Variants in PCDHGA2 observed in about 807,000 individuals in gnomAD.
The protein encoded by PCDHGA2 is protocadherin gamma-A2.
In PCDHGA2, 40 loss-of-function variants were observed where a neutral mutation model predicts 59.2. The ratio of observed to expected loss-of-function variants is 0.68; its 90% CI spans 0.52 to 0.88. PCDHGA2 has a LOEUF of 0.88. PCDHGA2 is among the 40% of genes least tolerant of loss of function. The pLI is 0.00. For missense variants in PCDHGA2, 1,226 were observed against 1,204.0 expected, an observed-to-expected ratio of 1.02 and a Z score of -0.27; for synonymous variants, 560 against 526.0, an observed-to-expected ratio of 1.06 and a Z score of -0.89.
intron 1 of PCDHGA2, among the ~76,000 whole-genome samples, chr5:141,386,518 A>C (rs2090605382): frequency 0.01 from 1 of 96 alleles, no homozygotes; most frequent in Non-Finnish European, 0.017. Flanking sequence ...TCTTCAAAAA[A>C]AGACTCTTTT....
At position 141,432,476 on chromosome 5, in the gene PCDHGA2, A is replaced by T. The variant is rs778378071; in HGVS notation, c.2425-62331A>T. On this transcript the variant is annotated intron_variant, in intron 1 of 3. Transcript: ENST00000394576. This position sits in a 1 kb window ranked among gnomAD's most constrained non-coding sequence, Gnocchi z 6.0. ...CCCCGCCCTCCCCACGGACGGTTCC[A>T]CTGGCGTGGAGCTGGCTCCCCGCTC... 4.6e-5 allele frequency: 75 copies of T among 1,613,962 alleles called. No homozygotes were observed. In the South Asian group the frequency reaches 7.9e-4, roughly 17 times the overall value.
Position 141,374,382 on chromosome 5 carries a change from C to T in PCDHGA2, c.2424+32987C>T, listed in dbSNP as rs975173370. On this transcript the variant is annotated intron_variant, in intron 1 of 3. Coordinates refer to ENST00000394576, the MANE Select transcript of PCDHGA2 (RefSeq NM_018915.4). ...CGCGAGGAGCTCTGTGCTCAGAGCC[C>T]GCGGTGTCTGGTGAGTTTTAACATC... is the stretch of plus-strand genomic sequence containing the variant. 3.7e-6 allele frequency: 6 copies of T among 1,613,888 alleles called. No individual in the cohort carries two copies. The African/African-American group carries it at 6.7e-5, about 18-fold the overall frequency.
intron 1 of PCDHGA2, chr5:141,364,349 G>T (rs758855393): frequency 6.5e-6 from 10 of 1,549,456 alleles, no homozygotes; most frequent in Middle Eastern, 1.7e-4. Context: ...TCCACCTAGG[G>T]GCTGGGGCTG....
intron 1 of PCDHGA2, chr5:141,356,712 T>C: frequency 1.9e-6 from 3 of 1,614,032 alleles, no homozygotes; most frequent in Non-Finnish European, 1.7e-6. Context: ...TGTCCTCCTA[T>C]GTCTCCATCA....
intron 1 of PCDHGA2, among the ~76,000 whole-genome samples, chr5:141,449,056 G>A (rs149442150): frequency 6.6e-6 from 1 of 152,068 alleles, no homozygotes; most frequent in African/African-American, 2.4e-5. Flanking sequence ...TCATAAATGA[G>A]CGCTATTGAA....
chr5:141,388,170 T>C (rs756859307), intron 1 of PCDHGA2: 9 of 1,495,754 alleles, frequency 6.0e-6, no homozygotes, highest in Non-Finnish European at 8.3e-6. Flanking sequence ...GGAGGAGATA[T>C]GCGGGAAGAA....
chr5:141,489,159 T>G lies in PCDHGA2; in HGVS notation c.2425-5648T>G. On this transcript the variant is annotated intron_variant, in intron 1 of 3. Transcript: ENST00000394576. This position sits in a 1 kb window ranked among gnomAD's most constrained non-coding sequence, Gnocchi z 4.5. ...AGGCTGGAAGGAGACATAAGAGACT[T>G]CAGCTGCTGCATTCCAAGCCCTGGG... is the stretch of plus-strand genomic sequence containing the variant. 2 of 1,023,152 alleles carry G rather than the reference T, an allele frequency of 2.0e-6. No individual in the cohort carries two copies. Among genetic ancestry groups the G allele is most frequent in the Non-Finnish European group, 2.9e-6 (2 of 697,120 alleles). The allele number at this position is 1,023,152 out of a possible 1,614,324, so 63.4% of individuals were successfully genotyped here. A position where few individuals can be genotyped will look rare whatever the true frequency, so the allele number is the denominator to read the frequency against.
intron 1 of PCDHGA2, among the ~76,000 whole-genome samples, chr5:141,434,518 T>C (rs2097700303): frequency 6.6e-6 from 1 of 152,188 alleles, no homozygotes; most frequent in Admixed American, 6.5e-5. Flanking sequence ...CTTAAAGGTG[T>C]TCTTAAACCA....
intron 3 of PCDHGA2, among the ~76,000 whole-genome samples, chr5:141,510,415 C>G (rs2099881071): frequency 6.6e-6 from 1 of 152,082 alleles, no homozygotes; most frequent in Admixed American, 6.5e-5. Flanking sequence ...GCATGTAAAG[C>G]CATGGTTTCA....
intron 1 of PCDHGA2, chr5:141,375,694 C>T (rs2150065576): frequency 1.2e-6 from 2 of 1,614,232 alleles, no homozygotes; most frequent in African/African-American, 2.7e-5. Context: ...CCAGCGACAG[C>T]GGGGACCCGC....
intron 1 of PCDHGA2, chr5:141,375,374 C>T: frequency 2.5e-6 from 4 of 1,613,952 alleles, no homozygotes; most frequent in Non-Finnish European, 3.4e-6. Flanking sequence ...AGGAACACCA[C>T]CTCTGTCTAC....
chr5:141,346,366 C>A lies in PCDHGA2; in HGVS notation c.2424+4971C>A, dbSNP rs749000978. The A allele has an allele frequency of 4.3e-6, 7 of 1,614,242 alleles. No homozygotes were observed. In the East Asian group the frequency reaches 1.3e-4, roughly 31 times the overall value. Reference sequence around the variant, plus strand: ...TTCCCCCAGCCCAACTATGCGGACACGCTCATCAGCCAGGAGAGCTGTGAG... The same window carrying A: ...TTCCCCCAGCCCAACTATGCGGACAAGCTCATCAGCCAGGAGAGCTGTGAG... On this transcript the variant is annotated intron_variant, in intron 1 of 3. Coordinates refer to ENST00000394576, the MANE Select transcript of PCDHGA2 (RefSeq NM_018915.4).
intron 1 of PCDHGA2, among the ~76,000 whole-genome samples, chr5:141,382,039 G>T (rs2150197834): frequency 6.6e-6 from 1 of 151,922 alleles, no homozygotes; most frequent in Non-Finnish European, 1.5e-5. Flanking sequence ...ATGTTGGTCA[G>T]GCTGGTCTCA....
rs200348921 is a variant in PCDHGA2 at position 141,374,104 on chromosome 5, T to G, written c.2424+32709T>G. 296 of 1,570,490 alleles carry G rather than the reference T, an allele frequency of 1.9e-4. No individual in the cohort carries two copies. Among genetic ancestry groups the G allele is most frequent in the Non-Finnish European group, 2.4e-4 (283 of 1,156,394 alleles). On this transcript the variant is annotated intron_variant, in intron 1 of 3. Transcript: ENST00000394576. ...CAGTAATGGCGCCTCCGCAGAGGCA[T>G]CCGCAGCGCAGCGAGCAGGTCCTGC...
chr5:141,390,105 T>C (rs2092048923), intron 1 of PCDHGA2: 4 of 1,614,052 alleles, frequency 2.5e-6, no homozygotes, highest in African/African-American at 1.3e-5. Flanking sequence ...TCCCCCCAAC[T>C]ACAGCGAGGG....
rs148433768 is a variant in PCDHGA2 at position 141,385,635 on chromosome 5, C to T, written c.2424+44240C>T. 5.7e-6 allele frequency: 5 copies of T among 870,078 alleles called. No homozygotes were observed. The African/African-American group carries it at 8.9e-5, about 15-fold the overall frequency. 53.9% of individuals were successfully genotyped at this position (870,078 alleles called of 1,614,324 possible). A position where few individuals can be genotyped will look rare whatever the true frequency, so the allele number is the denominator to read the frequency against. On this transcript the variant is annotated intron_variant, in intron 1 of 3. Transcript: ENST00000394576. ...TTTTATACATTGGAATGAATCGAGT[C>T]TTTCATATTGCACAAGGTTAGCAGG...
chr5:141,384,934 G>A (rs750109041), intron 1 of PCDHGA2: 1 of 1,614,050 alleles, frequency 6.2e-7, no homozygotes, highest in Admixed American at 1.7e-5. Flanking sequence ...GGGCAGCCTT[G>A]AGCCCTCCGA....
At chr5:141,446,401 T>C (rs1321106896) in intron 1 of PCDHGA2, among the ~76,000 whole-genome samples, 1 of 152,166 alleles carries the variant, frequency 6.6e-6, no homozygotes, top group African/African-American at 2.4e-5. Context: ...AGAAATCGAG[T>C]TGAGTTCCAG....
chr5:141,418,941 C>G, intron 1 of PCDHGA2: 1 of 1,614,034 alleles, frequency 6.2e-7, no homozygotes, highest in East Asian at 2.2e-5. Flanking sequence ...GAGGATTCCC[C>G]TCCAGGAGTG....
Sources: allele counts gnomAD v4.1 joint callset (sites outside exome capture counted in the v4.1 genomes callset), GRCh38; gene constraint gnomAD v4.1.1; non-coding constraint Gnocchi (gnomAD v3.1); transcripts MANE v1.5; gene names NCBI Gene and HGNC (gene_info 2026-07-23, HGNC 2026-07-21).